Variants in MAOB observed in about 807,000 individuals in gnomAD.
The protein encoded by MAOB is amine oxidase [flavin-containing] B.
MAOB carries 15 observed loss-of-function variants against 41.9 expected under a neutral mutation model. The observed-to-expected ratio is 0.36, with a 90% CI of 0.24 to 0.55. The LOEUF is 0.55. Among genes scored for constraint, MAOB ranks in the 20% least tolerant of loss-of-function variants. The pLI is 0.86. For synonymous variants in MAOB, 167 were observed against 144.2 expected, an observed-to-expected ratio of 1.16 and a Z score of -1.13; for missense variants, 345 against 398.7, an observed-to-expected ratio of 0.87 and a Z score of 1.15.
intron 1 of MAOB, among the ~76,000 whole-genome samples, chrX:43,861,308 C>T (rs904860059): frequency 4.4e-5 from 5 of 112,718 alleles, no homozygotes; most frequent in East Asian, 2.8e-4. Flanking sequence ...AACGCTAGTG[C>T]GGCCATCAGA....
chrX:43,882,192 C>T, intron 1 of MAOB, 62 bp downstream of exon 1: 1 of 1,192,448 alleles, frequency 8.4e-7, no homozygotes, highest in Non-Finnish European at 1.1e-6. Context: ...CCCCGCGTCT[C>T]CCCCAGGCAG....
chrX:43,782,943 C>G (rs765968916), intron 8 of MAOB, among the ~76,000 whole-genome samples: 9 of 111,667 alleles, frequency 8.1e-5, no homozygotes, highest in African/African-American at 2.9e-4. Flanking sequence ...ACTCAACAGC[C>G]CTTCATACTA....
intron 2 of MAOB, 128 bp from the exon 3 acceptor site, chrX:43,839,133 A>C: frequency 2.4e-6 from 1 of 414,243 alleles, no homozygotes; most frequent in Non-Finnish European, 3.8e-6. Context: ...TATCCACGAA[A>C]AACTAGATTT....
intron 8 of MAOB, among the ~76,000 whole-genome samples, chrX:43,789,114 TAATTTTGTACATGAAACAA>T (rs1243733792): frequency 8.9e-6 from 1 of 112,287 alleles, no homozygotes; most frequent in Non-Finnish European, 1.9e-5. Flanking sequence ...CATATTTTAA[TAATTTTGTACATGAAACAA>T]AGTTTTGACT....
At chrX:43,876,779 G>A (rs2035442828) in intron 1 of MAOB, among the ~76,000 whole-genome samples, 1 of 112,719 alleles carries the variant, frequency 8.9e-6, no homozygotes, top group South Asian at 3.6e-4. Flanking sequence ...TCATATACAA[G>A]CCAAGAAAAC....
chrX:43,841,348 C>A (rs181589829), intron 2 of MAOB, among the ~76,000 whole-genome samples: 2 of 111,285 alleles, frequency 1.8e-5, no homozygotes, highest in African/African-American at 3.3e-5. Context: ...GTAAATAATT[C>A]TTTTAAAAAA....
At chrX:43,865,030 C>G (rs2035356094) in intron 1 of MAOB, among the ~76,000 whole-genome samples, 1 of 111,843 alleles carries the variant, frequency 8.9e-6, no homozygotes, top group Non-Finnish European at 1.9e-5. Flanking sequence ...ACCTTATGAT[C>G]TAGCAGTTTC....
At chrX:43,870,416 C>T (rs1369929546) in intron 1 of MAOB, among the ~76,000 whole-genome samples, 1 of 111,322 alleles carries the variant, frequency 9.0e-6, no homozygotes, top group Non-Finnish European at 1.9e-5. Flanking sequence ...TACTTGGGGG[C>T]TCTCAGGGCA....
At chrX:43,770,891 G>A (rs1424099999) in intron 12 of MAOB, among the ~76,000 whole-genome samples, 4 of 112,005 alleles carry the variant, frequency 3.6e-5, no homozygotes, top group Admixed American at 9.5e-5. Flanking sequence ...GCAGTTCATT[G>A]TTGCTCTGAC....
At chrX:43,771,075 T>C (rs1294340913) in intron 12 of MAOB, among the ~76,000 whole-genome samples, 3 of 111,949 alleles carry the variant, frequency 2.7e-5, no homozygotes, top group Admixed American at 9.5e-5. Context: ...ATTGGTGGGT[T>C]TTCTTTCACC....
intron 3 of MAOB, among the ~76,000 whole-genome samples, chrX:43,808,699 GACACACACAC>G (rs147523888): frequency 1.1e-5 from 1 of 87,610 alleles, no homozygotes; most frequent in Admixed American, 1.4e-4. Flanking sequence ...TCTACACATA[GACACACACAC>G]ACACACACAC....
intron 3 of MAOB, among the ~76,000 whole-genome samples, chrX:43,817,093 T>C (rs912218343): frequency 9.2e-6 from 1 of 108,592 alleles, no homozygotes; most frequent in African/African-American, 3.4e-5. Context: ...TCTTCTTCTT[T>C]TCTCTTTTCT....
At chrX:43,842,069 T>C (rs1162658407) in intron 2 of MAOB, among the ~76,000 whole-genome samples, 2 of 111,609 alleles carry the variant, frequency 1.8e-5, no homozygotes, top group East Asian at 5.6e-4. Context: ...AACAGACAAA[T>C]GGAATTGCAT....
intron 1 of MAOB, among the ~76,000 whole-genome samples, chrX:43,868,900 A>G (rs900846432): frequency 2.7e-5 from 3 of 110,848 alleles, no homozygotes; most frequent in Non-Finnish European, 5.7e-5. Flanking sequence ...TTGAACTGGA[A>G]CCTGATTATT....
rs1157628579 is a variant in MAOB, at chrX:43,857,084, AAT to A, written c.47-13322_47-13321del. 7.8e-3 allele frequency among the ~76,000 whole-genome samples: 176 copies of A among 22,691 alleles called. 3 individuals are homozygous for A. Among genetic ancestry groups the A allele is most frequent in the East Asian group, 0.015 (4 of 261 alleles). 19.7% of individuals were successfully genotyped at this position (22,691 alleles called of 115,157 possible). On this transcript the variant is annotated intron_variant, in intron 1 of 14. Coordinates refer to ENST00000378069, the MANE Select transcript of MAOB (RefSeq NM_000898.5). ...CTCAACACAAACTACCTATTCTTTA[AAT>A]ATATATATATATATATATATATATA...
chrX:43,854,418 A>T (rs2035275147), intron 1 of MAOB, among the ~76,000 whole-genome samples: 1 of 112,032 alleles, frequency 8.9e-6, no homozygotes, highest in Non-Finnish European at 1.9e-5. Flanking sequence ...AGGAACAGAA[A>T]AACAAACACC....
At chrX:43,857,108 TATATATATAGAGAGAGAGAGAG>T (rs1233528384) in intron 1 of MAOB, among the ~76,000 whole-genome samples, 468 of 23,920 alleles carry the variant, frequency 0.02, 2 homozygotes, top group Non-Finnish European at 0.026. Flanking sequence ...TATATATATA[TATATATATAGAGAGAGAGAGAG>T]AGAGAGAGAG....
At chrX:43,838,756 C>T in intron 3 of MAOB, 112 bp downstream of exon 3, 8 of 748,734 alleles carry the variant, frequency 1.1e-5, no homozygotes, top group Non-Finnish European at 1.5e-5. Context: ...TTATAAAATA[C>T]ATTTGCATCA....
At chrX:43,830,520 A>G (rs1289836100) in intron 3 of MAOB, among the ~76,000 whole-genome samples, 2 of 112,402 alleles carry the variant, frequency 1.8e-5, no homozygotes, top group Non-Finnish European at 3.8e-5. Flanking sequence ...ATGTGAGTTT[A>G]GTTGCAGCCA....
Sources: allele counts gnomAD v4.1 joint callset (sites outside exome capture counted in the v4.1 genomes callset), GRCh38; gene constraint gnomAD v4.1.1; transcripts MANE v1.5; gene names NCBI Gene and HGNC (gene_info 2026-07-23, HGNC 2026-07-21).